The following HTR2C variants were observed in gnomAD, a reference collection of about 807,000 sequenced individuals.
HTR2C encodes the protein 5-hydroxytryptamine (serotonin) receptor 2C, G protein-coupled.
Under a neutral mutation model 21.0 loss-of-function variants are expected in HTR2C, and 5 were observed. The observed-to-expected ratio is 0.24, with a 90% CI of 0.12 to 0.50. The LOEUF is 0.50. HTR2C is among the 20% of genes least tolerant of loss of function. HTR2C has a pLI of 0.98. For missense variants in HTR2C, 271 were observed against 371.2 expected, an observed-to-expected ratio of 0.73 and a Z score of 2.22; for synonymous variants, 150 against 145.3, an observed-to-expected ratio of 1.03 and a Z score of -0.23.
chrX:114,742,437 A>G (rs1243839938), intron 4 of HTR2C, among the ~76,000 whole-genome samples: 1 of 111,322 alleles, frequency 9.0e-6, no homozygotes, highest in African/African-American at 3.3e-5. Flanking sequence ...AAAACAAAAT[A>G]CATTGAATCC....
chrX:114,664,108 A>T, intron 2 of HTR2C, among the ~76,000 whole-genome samples: 1 of 111,731 alleles, frequency 9.0e-6, no homozygotes, highest in Non-Finnish European at 1.9e-5. Flanking sequence ...CATCTGACAT[A>T]TACCCGTGCA....
intron 1 of HTR2C, among the ~76,000 whole-genome samples, chrX:114,587,896 A>C (rs1927465843): frequency 8.9e-6 from 1 of 112,609 alleles, no homozygotes; most frequent in Non-Finnish European, 1.9e-5. Flanking sequence ...TAGCAGATTT[A>C]ATACTAATGC....
intron 2 of HTR2C, among the ~76,000 whole-genome samples, chrX:114,649,363 A>G (rs1808163758): frequency 1.8e-5 from 2 of 111,752 alleles, no homozygotes; most frequent in African/African-American, 6.5e-5. Flanking sequence ...TTGATGATTA[A>G]TTATTTTGAT....
Position 114,713,834 on chromosome X carries a change from C to A in HTR2C, c.-79-13024C>A. On this transcript the variant is annotated intron_variant, in intron 2 of 5. Transcript: ENST00000276198. The stretch of plus-strand genomic sequence containing the variant: ...TTGTAGCACCTTTCTTTTCATTCCT[C>A]ACTCTCAAAACACATGCATACACAC... 1.8e-5 allele frequency among the ~76,000 whole-genome samples: 2 copies of A among 110,986 alleles called. 1 individual carries two copies. Among genetic ancestry groups the A allele is most frequent in the Middle Eastern group, 9.3e-3 (2 of 214 alleles).
chrX:114,620,942 C>T (rs1046502504), intron 2 of HTR2C, among the ~76,000 whole-genome samples: 46 of 111,208 alleles, frequency 4.1e-4, no homozygotes, highest in Admixed American at 9.6e-4. Context: ...TGCAGTGGCA[C>T]GATCTTGGCC....
intron 5 of HTR2C, among the ~76,000 whole-genome samples, chrX:114,894,000 G>C (rs1247133803): frequency 9.0e-6 from 1 of 111,393 alleles, no homozygotes; most frequent in East Asian, 2.8e-4. Context: ...CACACCACTA[G>C]AATGGCTAAA....
At chrX:114,700,015 G>GC (rs1211241906) in intron 2 of HTR2C, among the ~76,000 whole-genome samples, 31 of 111,847 alleles carry the variant, frequency 2.8e-4, no homozygotes, top group African/African-American at 1.0e-3. Context: ...GAAAATATGA[G>GC]CGTAATAAAT....
chrX:114,705,084 C>T (rs1556417746), intron 2 of HTR2C, among the ~76,000 whole-genome samples: 1 of 104,686 alleles, frequency 9.6e-6, no homozygotes, highest in African/African-American at 3.4e-5. Flanking sequence ...AAGAACATTC[C>T]ATGCTCATGG....
At chrX:114,728,797 A>G (rs1010662316) in intron 3 of HTR2C, among the ~76,000 whole-genome samples, 5 of 111,769 alleles carry the variant, frequency 4.5e-5, no homozygotes, top group African/African-American at 1.6e-4. Context: ...TTTTCTTCGT[A>G]TATGTTTCTG....
intron 1 of HTR2C, among the ~76,000 whole-genome samples, chrX:114,596,906 T>G (rs1281253852): frequency 3.6e-5 from 4 of 109,986 alleles, no homozygotes; most frequent in Non-Finnish European, 7.6e-5. Flanking sequence ...TTCTATCACA[T>G]CATCATCATC....
rs1295471773 is a variant in HTR2C at position 114,701,937 on chromosome X, A to G, written c.-79-24921A>G. Among the ~76,000 whole-genome samples, 62 of 112,105 alleles carry G rather than the reference A, an allele frequency of 5.5e-4. 1 individual carries two copies. Among genetic ancestry groups the G allele is most frequent in the African/African-American group, 2.0e-3 (62 of 30,817 alleles). On this transcript the variant is annotated intron_variant, in intron 2 of 5. Transcript: ENST00000276198. The stretch of plus-strand genomic sequence containing the variant: ...TGCAGAAGCCTCAGGAGCCGATGCA[A>G]TCAACTGGAAGAAAGGGTATCAGTG...
intron 2 of HTR2C, among the ~76,000 whole-genome samples, chrX:114,685,652 C>T (rs1017382872): frequency 8.9e-6 from 1 of 111,747 alleles, no homozygotes; most frequent in East Asian, 2.8e-4. Context: ...AGGTGCCATA[C>T]GTTTATCTAA....
chrX:114,785,236 A>G lies in HTR2C; in HGVS notation c.349+53629A>G, dbSNP rs905728857. ...AGGAACCAAAAATGTCCAATCTTAT[A>G]TAAAGCATTACAAAGAAATGAAAGC... On this transcript the variant is annotated intron_variant, in intron 4 of 5. Transcript: ENST00000276198. 7.7e-4 allele frequency among the ~76,000 whole-genome samples: 86 copies of G among 111,949 alleles called. 1 individual carries two copies. The highest frequency in any genetic ancestry group is 2.7e-3 in the African/African-American group (82 of 30,872).
intron 2 of HTR2C, among the ~76,000 whole-genome samples, chrX:114,710,709 G>A (rs1349039000): frequency 9.0e-6 from 1 of 111,544 alleles, no homozygotes; most frequent in East Asian, 2.8e-4. Context: ...CAACTGAGAG[G>A]AGTTTTTTAT....
At chrX:114,656,957 A>G (rs1556409361) in intron 2 of HTR2C, among the ~76,000 whole-genome samples, 2 of 111,463 alleles carry the variant, frequency 1.8e-5, no homozygotes, top group Non-Finnish European at 3.8e-5. Context: ...AAGCAAATGT[A>G]TAATTTATCT....
chrX:114,661,452 C>T (rs939204515), intron 2 of HTR2C, among the ~76,000 whole-genome samples: 1 of 109,976 alleles, frequency 9.1e-6, no homozygotes, highest in Non-Finnish European at 1.9e-5. Context: ...AAAAGGAACA[C>T]GTTTTAAGGG....
intron 4 of HTR2C, among the ~76,000 whole-genome samples, chrX:114,736,130 A>G (rs2069588875): frequency 1.8e-5 from 2 of 110,942 alleles, no homozygotes; most frequent in African/African-American, 6.5e-5. Context: ...AAAAAGAGAA[A>G]AGAAAACATA....
chrX:114,799,686 A>G (rs2070327706), intron 4 of HTR2C, among the ~76,000 whole-genome samples: 1 of 110,719 alleles, frequency 9.0e-6, no homozygotes, highest in South Asian at 3.7e-4. Context: ...AGAAGTTAGT[A>G]CTAAGTAAGA....
At chrX:114,759,677 A>G (rs996895615) in intron 4 of HTR2C, among the ~76,000 whole-genome samples, 12 of 111,017 alleles carry the variant, frequency 1.1e-4, no homozygotes, top group Non-Finnish European at 2.3e-4. Context: ...CAATTCGTCA[A>G]TCTCAACTCC....
Sources: allele counts gnomAD v4.1 joint callset (sites outside exome capture counted in the v4.1 genomes callset), GRCh38; gene constraint gnomAD v4.1.1; transcripts MANE v1.5; gene names NCBI Gene and HGNC (gene_info 2026-07-23, HGNC 2026-07-21).